SPN: variants seen among roughly 807,000 people sequenced by gnomAD.
The protein encoded by SPN is sialophorin, also known as leukosialin.
Under a neutral mutation model 8.4 loss-of-function variants are expected in SPN, and 6 were observed. That is an observed-to-expected ratio of 0.72 (90% CI 0.39 to 1.42). The LOEUF (loss-of-function observed/expected upper bound fraction) is 1.42, where lower values mean the gene tolerates loss of function less well. Among genes scored for constraint, SPN ranks in the 40% most tolerant of loss-of-function variants. The pLI is 0.02. For synonymous variants in SPN, 201 were observed against 222.6 expected (o/e 0.90, Z 0.86); for missense variants, 517 against 530.6 (o/e 0.97, Z 0.25).
At position 29,670,731 on chromosome 16, in the gene SPN, T is replaced by G. The variant is rs544339641; in HGVS notation, c.*5800T>G. 4.4e-5 allele frequency: 20 copies of G among 455,928 alleles called. No homozygotes were observed. The highest frequency in any genetic ancestry group is 3.4e-4 in the African/African-American group (17 of 50,194). The allele number at this position is 455,928 out of a possible 1,614,324, so 28.2% of individuals were successfully genotyped here. A position where few individuals can be genotyped will look rare whatever the true frequency, so the allele number is the denominator to read the frequency against. On this transcript the variant is annotated 3_prime_UTR_variant, in exon 2 of 2. Coordinates refer to ENST00000652691, the MANE Select transcript of SPN (RefSeq NM_003123.6). ...AAATTCCCAACCATATATGCACTTATAGGGAAACAAAGGACCCATCGCAAA... is the reference window on the plus strand; with the variant it reads ...AAATTCCCAACCATATATGCACTTAGAGGGAAACAAAGGACCCATCGCAAA...
Position 29,664,229 on chromosome 16 carries a change from C to G in SPN, c.501C>G (p.Pro167=), listed in dbSNP as rs1966773873. 8.1e-6 allele frequency: 13 copies of G among 1,613,764 alleles called. No individual in the cohort carries two copies. Among genetic ancestry groups the G allele is most frequent in the Non-Finnish European group, 1.1e-5 (13 of 1,179,976 alleles). ...SLETSRGTSG[P]PLTMATVSLE... Reference sequence around the variant, plus strand: ...AGACCTCCAGAGGCACCTCTGGACCCCCTCTTACCATGGCAACTGTCTCTC... The same window carrying G: ...AGACCTCCAGAGGCACCTCTGGACCGCCTCTTACCATGGCAACTGTCTCTC... Residue 167 remains proline (P), a synonymous_variant, in exon 2 of 2, where the codon CCC becomes CCG. Coordinates refer to ENST00000652691, the MANE Select transcript of SPN (RefSeq NM_003123.6). This position sits in a 1 kb window ranked among gnomAD's most constrained non-coding sequence, Gnocchi z 6.4.
At position 29,663,432 on chromosome 16, in the gene SPN, C is replaced by G. The variant is rs866468484; in HGVS notation, c.-35+116C>G. The G allele has an allele frequency of 6.2e-5, 22 of 353,288 alleles. No homozygotes were observed. The Middle Eastern group carries it at 3.2e-3, about 52-fold the overall frequency. The allele number at this position is 353,288 out of a possible 1,614,324, so 21.9% of individuals were successfully genotyped here. A position where few individuals can be genotyped will look rare whatever the true frequency, so the allele number is the denominator to read the frequency against. ...AGAGATTGGGAGCCATTGGGCTGCA[C>G]AGGGTCAGGGAAGGCCAGGAGGGGC... On this transcript the variant is annotated intron_variant, in intron 1 of 1. Coordinates refer to ENST00000652691, the MANE Select transcript of SPN (RefSeq NM_003123.6). The surrounding 1 kb of genome is among the most constrained non-coding windows in gnomAD (Gnocchi z 4.3).
chr16:29,665,118 G>A lies in SPN; in HGVS notation c.*187G>A, dbSNP rs566069387. 1,028 of 587,804 alleles carry A rather than the reference G, an allele frequency of 1.7e-3. 3 individuals are homozygous for A. Among genetic ancestry groups the A allele is most frequent in the Non-Finnish European group, 1.8e-3 (682 of 387,398 alleles). The allele number at this position is 587,804 out of a possible 1,614,324, so 36.4% of individuals were successfully genotyped here. The stretch of plus-strand genomic sequence containing the variant: ...TCGCCCAGGCTGGAGTGCAATGCAC[G>A]ATCTCAGTTCACTGCAACCTCTGCC... On this transcript the variant is annotated 3_prime_UTR_variant, in exon 2 of 2. Coordinates refer to ENST00000652691, the MANE Select transcript of SPN (RefSeq NM_003123.6).
rs980041317 is a variant in SPN at position 29,669,620 on chromosome 16, C to G, written c.*4689C>G. 2.5e-5 allele frequency: 4 copies of G among 157,218 alleles called. No individual in the cohort carries two copies. Among genetic ancestry groups the G allele is most frequent in the Admixed American group, 2.0e-4 (3 of 15,148 alleles). 9.7% of individuals were successfully genotyped at this position (157,218 alleles called of 1,614,324 possible). The stretch of plus-strand genomic sequence containing the variant: ...CAGGCCAGACGTGGTGGCTCAACGT[C>G]TGTAATCCCAGCACTTTGGGAGGCC... On this transcript the variant is annotated 3_prime_UTR_variant, in exon 2 of 2. Coordinates refer to ENST00000652691, the MANE Select transcript of SPN (RefSeq NM_003123.6).
chr16:29,666,647 A>G lies in SPN; in HGVS notation c.*1716A>G, dbSNP rs563745990. ...GGTCTGGCTGGCGCTTCCCCACTGC[A>G]CGTTTCCAGGTTTAGTTTGTCTGTG... On this transcript the variant is annotated 3_prime_UTR_variant, in exon 2 of 2. Transcript: ENST00000652691. 37 of 312,814 alleles carry G rather than the reference A, an allele frequency of 1.2e-4. No individual in the cohort carries two copies. In the East Asian group the frequency reaches 3.1e-3, roughly 27 times the overall value. 19.4% of individuals were successfully genotyped at this position (312,814 alleles called of 1,614,324 possible).
Position 29,668,653 on chromosome 16 carries a change from G to C in SPN, c.*3722G>C, listed in dbSNP as rs1966840467. 1 of 166,338 alleles carries C rather than the reference G, an allele frequency of 6.0e-6. No homozygotes were observed. Among genetic ancestry groups the C allele is most frequent in the Admixed American group, 6.6e-5 (1 of 15,154 alleles). 10.3% of individuals were successfully genotyped at this position (166,338 alleles called of 1,614,324 possible). On this transcript the variant is annotated 3_prime_UTR_variant, in exon 2 of 2. Coordinates refer to ENST00000652691, the MANE Select transcript of SPN (RefSeq NM_003123.6). ...TGTACAGACAGGGTCTTGCTGTGTT[G>C]CCCAGGCTGGTCTCAAACTCCTGGG... is the stretch of plus-strand genomic sequence containing the variant.
Position 29,663,588 on chromosome 16 carries a change from A to AC in SPN, c.-34-105dup. 1 of 1,211,748 alleles carries AC rather than the reference A, an allele frequency of 8.3e-7. No homozygotes were observed. Among genetic ancestry groups the AC allele is most frequent in the Non-Finnish European group, 1.1e-6 (1 of 877,246 alleles). The allele number at this position is 1,211,748 out of a possible 1,614,324, so 75.1% of individuals were successfully genotyped here. Reference sequence around the variant, plus strand: ...AAGCCAGCATGGAAAAAACCGTTAAACCGCAGGTTGGGCCTGGCCGTTGGC... The same window carrying AC: ...AAGCCAGCATGGAAAAAACCGTTAAACCCGCAGGTTGGGCCTGGCCGTTGGC... On this transcript the variant is annotated intron_variant, in intron 1 of 1. Coordinates refer to ENST00000652691, the MANE Select transcript of SPN (RefSeq NM_003123.6). The surrounding 1 kb of genome is among the most constrained non-coding windows in gnomAD (Gnocchi z 4.3).
rs757206913 is a variant in SPN at position 29,664,544 on chromosome 16, T to A, written c.816T>A (p.Ala272=). ...VALLAVIVLV[A]LLLLWRRRQK... ...TGCTGGCGGTCATAGTCCTCGTGGC[T>A]CTGCTCCTGCTGTGGCGCCGGCGGC... Residue 272 remains alanine, a synonymous_variant, in exon 2 of 2, where the codon GCT becomes GCA. Coordinates refer to ENST00000652691, the MANE Select transcript of SPN (RefSeq NM_003123.6). This position sits in a 1 kb window ranked among gnomAD's most constrained non-coding sequence, Gnocchi z 6.4. 1 of 1,613,794 alleles carries A rather than the reference T, an allele frequency of 6.2e-7. No individual in the cohort carries two copies. The highest frequency in any genetic ancestry group is 1.1e-5 in the South Asian group (1 of 91,052).
rs1412645657 is a variant in SPN at position 29,667,504 on chromosome 16, G to A, written c.*2573G>A. The A allele has an allele frequency of 5.9e-6, 1 of 168,190 alleles. No homozygotes were observed. The highest frequency in any genetic ancestry group is 1.9e-4 in the East Asian group (1 of 5,342). 10.4% of individuals were successfully genotyped at this position (168,190 alleles called of 1,614,324 possible). A position where few individuals can be genotyped will look rare whatever the true frequency, so the allele number is the denominator to read the frequency against. On this transcript the variant is annotated 3_prime_UTR_variant, in exon 2 of 2. Transcript: ENST00000652691. Reference sequence around the variant, plus strand: ...GTTAAAAGAGAGGCACAGGCCGGGTGCGGTGGCTCACGCCTGTAATCTCAG... The same window carrying A: ...GTTAAAAGAGAGGCACAGGCCGGGTACGGTGGCTCACGCCTGTAATCTCAG...
In SPN at chr16:29,663,866, C is replaced by T. The variant is rs764003784; in HGVS notation, c.138C>T (p.Thr46=). 13 of 1,614,116 alleles carry T rather than the reference C, an allele frequency of 8.1e-6. No individual in the cohort carries two copies. The highest frequency in any genetic ancestry group is 1.1e-5 in the Non-Finnish European group (13 of 1,180,014). ...TSEPLSSKMY[T]TSITSDPKAD... is the part of the protein sequence containing the mutation. Reference sequence around the variant, plus strand: ...AGCCCCTGAGCTCAAAGATGTACACCACTTCAATAACAAGTGACCCTAAGG... The same window carrying T: ...AGCCCCTGAGCTCAAAGATGTACACTACTTCAATAACAAGTGACCCTAAGG... Residue 46 remains threonine, a synonymous_variant, in exon 2 of 2, where the codon ACC becomes ACT. Coordinates refer to ENST00000652691, the MANE Select transcript of SPN (RefSeq NM_003123.6). The surrounding 1 kb of genome is among the most constrained non-coding windows in gnomAD (Gnocchi z 4.3).
rs539389869 is a variant in SPN, at chr16:29,666,922, G to T, written c.*1991G>T. On this transcript the variant is annotated 3_prime_UTR_variant, in exon 2 of 2. Transcript: ENST00000652691. ...AGGAAGTTGTTGAGTTAGAGCTTGC[G>T]GTGGCTGAGAGCAGACAGGTTGACC... is the stretch of plus-strand genomic sequence containing the variant. 2 of 470,882 alleles carry T rather than the reference G, an allele frequency of 4.2e-6. No homozygotes were observed. Among genetic ancestry groups the T allele is most frequent in the Admixed American group, 4.7e-5 (2 of 42,580 alleles). The allele number at this position is 470,882 out of a possible 1,614,324, so 29.2% of individuals were successfully genotyped here. A position where few individuals can be genotyped will look rare whatever the true frequency, so the allele number is the denominator to read the frequency against.
In SPN at chr16:29,664,636, G is replaced by T; in HGVS notation, c.908G>T (p.Trp303Leu). The change falls in exon 2 of 2, where the codon TGG (tryptophan) becomes TTG (leucine). Residue 303 changes from tryptophan to leucine, a missense_variant. By Grantham distance (61) the Trp-to-Leu change is moderately conservative (BLOSUM62 -2). Coordinates refer to ENST00000652691, the MANE Select transcript of SPN (RefSeq NM_003123.6). The surrounding 1 kb of genome is among the most constrained non-coding windows in gnomAD (Gnocchi z 6.4). Reference protein sequence around the residue: ...GGKRNGVVDAWAGPAQVPEEG... With the variant: ...GGKRNGVVDALAGPAQVPEEG... ...AAGCGTAACGGGGTGGTGGACGCCT[G>T]GGCTGGGCCAGCCCAGGTCCCTGAG... 6.4e-7 allele frequency: 1 copy of T among 1,573,568 alleles called. No individual in the cohort carries two copies. The highest frequency in any genetic ancestry group is 1.3e-5 in the African/African-American group (1 of 74,154).
Position 29,664,024 on chromosome 16 carries a change from C to T in SPN, c.296C>T (p.Ser99Phe), listed in dbSNP as rs1966769866. 6.2e-7 allele frequency: 1 copy of T among 1,614,096 alleles called. No homozygotes were observed. Among genetic ancestry groups the T allele is most frequent in the Non-Finnish European group, 8.5e-7 (1 of 1,180,014 alleles). ...LPEPTTYQEV[S>F]IKMSSVPQET... The stretch of plus-strand genomic sequence containing the variant: ...GAGCCAACAACCTACCAGGAAGTTT[C>T]CATCAAGATGTCATCAGTGCCCCAG... The change falls in exon 2 of 2, where the codon TCC becomes TTC. Residue 99 changes from serine to phenylalanine, a missense_variant. Transcript: ENST00000652691. The surrounding 1 kb of genome is among the most constrained non-coding windows in gnomAD (Gnocchi z 6.4).
Position 29,667,199 on chromosome 16 carries a change from A to G in SPN, c.*2268A>G, listed in dbSNP as rs1445914222. On this transcript the variant is annotated 3_prime_UTR_variant, in exon 2 of 2. Transcript: ENST00000652691. ...TCTGATTGCTATTTGGACTCACTGC[A>G]GCTGCAGAATGACAGAGGCCATGTC... 1.1e-5 allele frequency: 4 copies of G among 367,236 alleles called. No homozygotes were observed. Among genetic ancestry groups the G allele is most frequent in the Non-Finnish European group, 2.3e-5 (4 of 176,348 alleles). The allele number at this position is 367,236 out of a possible 1,614,324, so 22.7% of individuals were successfully genotyped here.
chr16:29,665,113 T>C lies in SPN; in HGVS notation c.*182T>C. On this transcript the variant is annotated 3_prime_UTR_variant, in exon 2 of 2. Coordinates refer to ENST00000652691, the MANE Select transcript of SPN (RefSeq NM_003123.6). ...CTTTGTCGCCCAGGCTGGAGTGCAA[T>C]GCACGATCTCAGTTCACTGCAACCT... is the stretch of plus-strand genomic sequence containing the variant. 1.6e-6 allele frequency: 1 copy of C among 622,620 alleles called. No homozygotes were observed. 38.6% of individuals were successfully genotyped at this position (622,620 alleles called of 1,614,324 possible).
rs748915190 is a variant in SPN, at chr16:29,663,880, G to A, written c.152G>A (p.Ser51Asn). ...AAGATGTACACCACTTCAATAACAA[G>A]TGACCCTAAGGCCGACAGCACTGGG... is the stretch of plus-strand genomic sequence containing the variant. ...SSKMYTTSITSDPKADSTGDQ... is the reference protein window; with the variant it reads ...SSKMYTTSITNDPKADSTGDQ... The change falls in exon 2 of 2, where the codon AGT becomes AAT. Residue 51 changes from serine to asparagine, a missense_variant. Coordinates refer to ENST00000652691, the MANE Select transcript of SPN (RefSeq NM_003123.6). This position sits in a 1 kb window ranked among gnomAD's most constrained non-coding sequence, Gnocchi z 4.3. The A allele has an allele frequency of 1.2e-6, 2 of 1,614,128 alleles. No individual in the cohort carries two copies. The highest frequency in any genetic ancestry group is 1.3e-5 in the African/African-American group (1 of 75,028).
At position 29,669,649 on chromosome 16, in the gene SPN, G is replaced by T; in HGVS notation, c.*4718G>T. 1 of 155,610 alleles carries T rather than the reference G, an allele frequency of 6.4e-6. No homozygotes were observed. The allele number at this position is 155,610 out of a possible 1,614,324, so 9.6% of individuals were successfully genotyped here. A position where few individuals can be genotyped will look rare whatever the true frequency, so the allele number is the denominator to read the frequency against. On this transcript the variant is annotated 3_prime_UTR_variant, in exon 2 of 2. Coordinates refer to ENST00000652691, the MANE Select transcript of SPN (RefSeq NM_003123.6). ...AATCCCAGCACTTTGGGAGGCCGAG[G>T]CAGGTGGATCACCTGAGGTCAGGAG...
rs1214163949 is a variant in SPN, at chr16:29,670,629, TACCAGCAATATAATGTTAAGTGGGGA to T, written c.*5700_*5725del. The T allele has an allele frequency of 4.7e-5, 17 of 362,402 alleles. No individual in the cohort carries two copies. Among genetic ancestry groups the T allele is most frequent in the African/African-American group, 2.8e-4 (13 of 46,796 alleles). The allele number at this position is 362,402 out of a possible 1,614,324, so 22.4% of individuals were successfully genotyped here. A position where few individuals can be genotyped will look rare whatever the true frequency, so the allele number is the denominator to read the frequency against. ...AAAATTATGTAATGACTTTGGAAAA[TACCAGCAATATAATGTTAAGTGGGGA>T]AAAAAGCAAGTTACTCCTCTGTAAT... On this transcript the variant is annotated 3_prime_UTR_variant, in exon 2 of 2. Transcript: ENST00000652691.
chr16:29,664,109 C>G lies in SPN; in HGVS notation c.381C>G (p.Ser127=). Residue 127 remains serine (S), a synonymous_variant, in exon 2 of 2, where the codon TCC becomes TCG. Coordinates refer to ENST00000652691, the MANE Select transcript of SPN (RefSeq NM_003123.6). The surrounding 1 kb of genome is among the most constrained non-coding windows in gnomAD (Gnocchi z 6.4). ...CCATAACAGCAAACTCTCTAGGATC[C>G]CACACCGTGACAGGTGGAACCATAA... ...AVPITANSLG[S]HTVTGGTITT... 6.2e-7 allele frequency: 1 copy of G among 1,614,072 alleles called. No homozygotes were observed. The highest frequency in any genetic ancestry group is 1.3e-5 in the African/African-American group (1 of 75,018).
Sources: allele counts gnomAD v4.1 joint callset, GRCh38; gene constraint gnomAD v4.1.1; non-coding constraint Gnocchi (gnomAD v3.1); transcripts MANE v1.5; gene names NCBI Gene and HGNC (gene_info 2026-07-23, HGNC 2026-07-21).